Variants in EPN2 observed in about 807,000 individuals in gnomAD.
EPN2 encodes the protein epsin 2, also known as epsin-2.
A neutral mutation model predicts 61.7 loss-of-function variants in EPN2; 34 were observed. That is an observed-to-expected ratio of 0.55 (90% CI 0.42 to 0.73). The LOEUF (loss-of-function observed/expected upper bound fraction) is 0.73, where lower values mean the gene tolerates loss of function less well. Among genes scored for constraint, EPN2 ranks in the 30% least tolerant of loss-of-function variants. The probability of loss-of-function intolerance (pLI) is 0.00; values close to 1 mark genes in which losing one functional copy is unlikely to be tolerated. For synonymous variants in EPN2, 349 were observed against 353.6 expected (o/e 0.99, Z 0.15); for missense variants, 714 against 839.2 (o/e 0.85, Z 1.84).
chr17:19,263,193 A>T (rs143592902), intron 1 of EPN2, among the ~76,000 whole-genome samples: 16 of 152,070 alleles, frequency 1.1e-4, no homozygotes, highest in African/African-American at 3.4e-4. Context: ...TTTCTATCTC[A>T]TCTCATTGCC....
rs1907409213 is a variant in EPN2, at chr17:19,335,965, T to TA, written c.*1712dup. 1 of 152,750 alleles carries TA rather than the reference T, an allele frequency of 6.5e-6. No individual in the cohort carries two copies. Among genetic ancestry groups the TA allele is most frequent in the Non-Finnish European group, 1.5e-5 (1 of 68,434 alleles). 9.5% of individuals were successfully genotyped at this position (152,750 alleles called of 1,614,324 possible). A position where few individuals can be genotyped will look rare whatever the true frequency, so the allele number is the denominator to read the frequency against. ...TTCCACCATGGGAATTTCTCACCTCTAGCTCTAAGGGCAGCTGACCACCTG... is the reference window on the plus strand; with the variant it reads ...TTCCACCATGGGAATTTCTCACCTCTAAGCTCTAAGGGCAGCTGACCACCTG... On this transcript the variant is annotated 3_prime_UTR_variant, in exon 11 of 11. Transcript: ENST00000314728.
intron 4 of EPN2, among the ~76,000 whole-genome samples, chr17:19,291,007 G>A (rs1441963204): frequency 6.6e-6 from 1 of 152,206 alleles, no homozygotes; most frequent in Non-Finnish European, 1.5e-5. Context: ...TTGTGCTGAG[G>A]CTGCTCCTCT....
intron 4 of EPN2, among the ~76,000 whole-genome samples, chr17:19,293,890 C>G (rs1432740233): frequency 6.6e-6 from 1 of 151,882 alleles, no homozygotes; most frequent in Non-Finnish European, 1.5e-5. Flanking sequence ...GAGTTTGAGA[C>G]CAGCCTGACC....
At chr17:19,295,366 A>ACGCGCGCGCGCGCGCGCG (rs1555600589) in intron 4 of EPN2, among the ~76,000 whole-genome samples, 2 of 140,318 alleles carry the variant, frequency 1.4e-5, no homozygotes, top group Non-Finnish European at 3.1e-5. Context: ...ACACACACAC[A>ACGCGCGCGCGCGCGCGCG]CGCGCGTGCG....
chr17:19,239,681 T>C (rs908711090), intron 1 of EPN2, among the ~76,000 whole-genome samples: 25 of 152,242 alleles, frequency 1.6e-4, no homozygotes, highest in African/African-American at 5.8e-4. Context: ...CGGATTGTCT[T>C]GTGGGATGTA....
chr17:19,287,642 C>T (rs932495316), intron 4 of EPN2, among the ~76,000 whole-genome samples: 1 of 152,104 alleles, frequency 6.6e-6, no homozygotes, highest in Non-Finnish European at 1.5e-5. Flanking sequence ...CAGAATGATG[C>T]CGGCCATTCA....
chr17:19,300,659 C>G (rs984964968), intron 4 of EPN2, among the ~76,000 whole-genome samples: 4 of 152,124 alleles, frequency 2.6e-5, no homozygotes, highest in African/African-American at 7.2e-5. Flanking sequence ...AACTCCTGAC[C>G]TCAGGTGATC....
chr17:19,325,777 C>G (rs1460454951), intron 7 of EPN2, among the ~76,000 whole-genome samples: 2 of 152,124 alleles, frequency 1.3e-5, no homozygotes, highest in African/African-American at 4.8e-5. Context: ...AGAAAGAAGA[C>G]ACTAAATAGT....
chr17:19,314,795 C>A (rs1282578410), intron 7 of EPN2, among the ~76,000 whole-genome samples: 3 of 152,222 alleles, frequency 2.0e-5, no homozygotes, highest in Non-Finnish European at 4.4e-5. Flanking sequence ...CCCCAGGGAG[C>A]CTGTGGTATG....
At chr17:19,308,097 G>T (rs1905938275) in intron 4 of EPN2, 1 of 929,056 alleles carries the variant, frequency 1.1e-6, no homozygotes, top group Non-Finnish European at 1.3e-6. Flanking sequence ...TTTTTGAGAT[G>T]CAGTCTTGCT....
chr17:19,299,672 C>T (rs1412348550), intron 4 of EPN2, among the ~76,000 whole-genome samples: 1 of 152,204 alleles, frequency 6.6e-6, no homozygotes, highest in Non-Finnish European at 1.5e-5. Context: ...GAGAATGGCA[C>T]AACTTGCTTT....
chr17:19,313,064 G>A (rs1906220490), intron 6 of EPN2, 41 bp from the exon 7 acceptor site: 2 of 1,595,754 alleles, frequency 1.3e-6, no homozygotes, highest in Non-Finnish European at 1.7e-6. Flanking sequence ...TGCTGTAACT[G>A]TAGCATAGTA....
intron 1 of EPN2, among the ~76,000 whole-genome samples, chr17:19,245,656 T>TG (rs1443804169): frequency 4.0e-5 from 6 of 149,766 alleles, no homozygotes; most frequent in Non-Finnish European, 5.9e-5. Context: ...AGGATGGTCT[T>TG]GATCTCTTTT....
chr17:19,257,379 G>A (rs1344533592), intron 1 of EPN2, among the ~76,000 whole-genome samples: 1 of 152,142 alleles, frequency 6.6e-6, no homozygotes, highest in Non-Finnish European at 1.5e-5. Context: ...TGTTTTAATG[G>A]TCATCAGAGA....
At chr17:19,330,001 A>G (rs917915919) in intron 9 of EPN2, among the ~76,000 whole-genome samples, 2 of 151,810 alleles carry the variant, frequency 1.3e-5, no homozygotes, top group South Asian at 2.1e-4. Context: ...TTCCCAGACA[A>G]CCACCTTTGG....
At chr17:19,310,429 A>G (rs939447660) in intron 5 of EPN2, among the ~76,000 whole-genome samples, 19 of 152,194 alleles carry the variant, frequency 1.2e-4, no homozygotes, top group Non-Finnish European at 2.2e-4. Context: ...GAGATTTGCA[A>G]AAAACAAAGG....
At chr17:19,324,541 C>T (rs1598023330) in intron 7 of EPN2, among the ~76,000 whole-genome samples, 1 of 152,158 alleles carries the variant, frequency 6.6e-6, no homozygotes, top group African/African-American at 2.4e-5. Context: ...CAATGTTGAT[C>T]AGGCTGGTCT....
intron 4 of EPN2, among the ~76,000 whole-genome samples, chr17:19,288,451 G>A (rs1342221887): frequency 6.6e-6 from 1 of 152,248 alleles, no homozygotes; most frequent in East Asian, 1.9e-4. Flanking sequence ...TGTCTTTGGG[G>A]AGGTAAGAGA....
At chr17:19,257,700 G>T (rs1190551943) in intron 1 of EPN2, among the ~76,000 whole-genome samples, 1 of 151,960 alleles carries the variant, frequency 6.6e-6, no homozygotes, top group Non-Finnish European at 1.5e-5. Flanking sequence ...TGTATTTTTA[G>T]TAGAGACAGG....
Sources: gnomAD v4.1 joint callset for allele counts (sites outside exome capture counted in the v4.1 genomes callset) on GRCh38, gnomAD v4.1.1 for gene constraint, MANE v1.5 for transcripts, NCBI Gene and HGNC (gene_info 2026-07-23, HGNC 2026-07-21) for gene names.